TRPC5: variants seen among roughly 807,000 people sequenced by gnomAD.
TRPC5 encodes short transient receptor potential channel 5.
In TRPC5, 9 loss-of-function variants were observed where a neutral mutation model predicts 56.5. The observed-to-expected ratio is 0.16, with a 90% CI of 0.10 to 0.28. The LOEUF (loss-of-function observed/expected upper bound fraction) is 0.28. Ranked by LOEUF, TRPC5 falls within the 10% of genes least tolerant of loss-of-function variation. The pLI is 1.00. For missense variants in TRPC5, 469 were observed against 748.9 expected (o/e 0.63, Z 4.36); for synonymous variants, 282 against 278.5 (o/e 1.01, Z -0.13).
chrX:111,942,146 A>G lies in TRPC5; in HGVS notation c.378+9897T>C, dbSNP rs965234510. ...TGTTCTCCCTTAGACACTCTAGTTG[A>G]AGTGTAGTTGTTTAATTGTTGTTTT... is the stretch of plus-strand genomic sequence containing the variant. On this transcript the variant is annotated intron_variant, in intron 2 of 10. Transcript: ENST00000262839. Among the ~76,000 whole-genome samples, 3 of 111,378 alleles carry G rather than the reference A, an allele frequency of 2.7e-5. No homozygotes were observed. In the Admixed American group the frequency reaches 2.9e-4, roughly 11 times the overall value.
At chrX:111,975,649 C>A (rs757905652) in intron 1 of TRPC5, among the ~76,000 whole-genome samples, 5 of 111,643 alleles carry the variant, frequency 4.5e-5, no homozygotes, top group Admixed American at 3.8e-4. Context: ...GTAATCCCAG[C>A]ATTTTGGGAA....
At chrX:111,949,193 T>G (rs1927010150) in intron 2 of TRPC5, among the ~76,000 whole-genome samples, 1 of 112,208 alleles carries the variant, frequency 8.9e-6, no homozygotes, top group Non-Finnish European at 1.9e-5. Context: ...CAACTCAAGA[T>G]GGATTAAGGA....
Position 111,845,292 on chromosome X carries a change from C to T in TRPC5, c.1700+1822G>A, listed in dbSNP as rs144199810. Among the ~76,000 whole-genome samples, 463 of 111,349 alleles carry T rather than the reference C, an allele frequency of 4.2e-3. 6 individuals carry two copies. The highest frequency in any genetic ancestry group is 0.015 in the African/African-American group (451 of 30,626). ...CTGAGTTGAGGCCTTTAAAAGAAAA[C>T]ATAAATATGAGTCAACCTTCTACGG... On this transcript the variant is annotated intron_variant, in intron 6 of 10. Transcript: ENST00000262839.
At chrX:111,982,536 G>A (rs1025947705) in intron 1 of TRPC5, among the ~76,000 whole-genome samples, 6 of 111,669 alleles carry the variant, frequency 5.4e-5, no homozygotes, top group African/African-American at 1.6e-4. Context: ...AATCTCCTGT[G>A]TTTCAGACAT....
chrX:111,790,430 G>A (rs1390030305), intron 7 of TRPC5, among the ~76,000 whole-genome samples: 1 of 110,556 alleles, frequency 9.0e-6, no homozygotes, highest in Admixed American at 9.7e-5. Context: ...ACTGGGGGAG[G>A]GATAGCATTA....
At chrX:111,948,923 C>T (rs969861814) in intron 2 of TRPC5, among the ~76,000 whole-genome samples, 1 of 110,953 alleles carries the variant, frequency 9.0e-6, no homozygotes, top group African/African-American at 3.3e-5. Context: ...TCTTAAGACT[C>T]CCTCCCTAGA....
intron 7 of TRPC5, among the ~76,000 whole-genome samples, chrX:111,827,329 T>G (rs1202597154): frequency 9.0e-6 from 1 of 111,133 alleles, no homozygotes; most frequent in East Asian, 2.8e-4. Flanking sequence ...ACTATGCGTA[T>G]GCTGGTAACT....
rs1033514550 is a variant in TRPC5 at position 111,829,039 on chromosome X, C to T, written c.1896+5882G>A. Among the ~76,000 whole-genome samples, 5 of 111,375 alleles carry T rather than the reference C, an allele frequency of 4.5e-5. No homozygotes were observed. In the East Asian group the frequency reaches 1.1e-3, roughly 25 times the overall value. On this transcript the variant is annotated intron_variant, in intron 7 of 10. Coordinates refer to ENST00000262839, the MANE Select transcript of TRPC5 (RefSeq NM_012471.3). The stretch of plus-strand genomic sequence containing the variant: ...AAAGTTTGAGCTGGGCATGGTGGCT[C>T]ATGCCTGTAATCCCAGCACTTTGGG...
chrX:112,015,034 ATTTT>A (rs59820631), intron 1 of TRPC5, among the ~76,000 whole-genome samples: 79 of 85,838 alleles, frequency 9.2e-4, no homozygotes, highest in African/African-American at 3.1e-3. Flanking sequence ...CCTTCTTGCC[ATTTT>A]TTTTTTTTTT....
intron 1 of TRPC5, among the ~76,000 whole-genome samples, chrX:112,075,449 C>A (rs1234080500): frequency 8.9e-6 from 1 of 112,114 alleles, no homozygotes; most frequent in African/African-American, 3.2e-5. Flanking sequence ...TTGTAGCACT[C>A]AACACACAGA....
At chrX:111,960,118 G>A (rs183596621) in intron 1 of TRPC5, among the ~76,000 whole-genome samples, 1 of 112,041 alleles carries the variant, frequency 8.9e-6, no homozygotes, top group Non-Finnish European at 1.9e-5. Flanking sequence ...TTACTGTACT[G>A]GAAAGTATAG....
chrX:111,788,625 T>G (rs1603028097), intron 7 of TRPC5, among the ~76,000 whole-genome samples: 1 of 111,713 alleles, frequency 9.0e-6, no homozygotes, highest in Non-Finnish European at 1.9e-5. Context: ...AGTCAAATTG[T>G]CCCTGTTTGC....
chrX:111,883,819 T>A (rs1300257973), intron 3 of TRPC5, among the ~76,000 whole-genome samples: 1 of 112,869 alleles, frequency 8.9e-6, no homozygotes, highest in African/African-American at 3.2e-5. Flanking sequence ...GTAGTCCTAG[T>A]CTACTTAAGT....
intron 6 of TRPC5, among the ~76,000 whole-genome samples, chrX:111,842,292 C>A (rs1337054438): frequency 1.9e-5 from 2 of 106,566 alleles, no homozygotes; most frequent in African/African-American, 7.0e-5. Flanking sequence ...TGCCCACCAC[C>A]ACACCTGGCT....
chrX:111,839,344 C>T (rs1021216217), intron 6 of TRPC5, among the ~76,000 whole-genome samples: 2 of 111,810 alleles, frequency 1.8e-5, no homozygotes, highest in African/African-American at 6.5e-5. Flanking sequence ...TCCATAAATG[C>T]ACAAATCACA....
At chrX:112,012,367 T>C (rs1374224121) in intron 1 of TRPC5, among the ~76,000 whole-genome samples, 2 of 111,568 alleles carry the variant, frequency 1.8e-5, no homozygotes, top group Non-Finnish European at 3.8e-5. Context: ...TTGTCAAGTC[T>C]CTTTTTTTTT....
intron 7 of TRPC5, among the ~76,000 whole-genome samples, chrX:111,795,227 C>CA (rs1163843691): frequency 9.0e-6 from 1 of 110,516 alleles, no homozygotes; most frequent in African/African-American, 3.3e-5. Flanking sequence ...TGATTTTAGA[C>CA]AAAAAACCTT....
intron 1 of TRPC5, among the ~76,000 whole-genome samples, chrX:112,080,524 A>T (rs1372894050): frequency 9.0e-6 from 1 of 111,155 alleles, no homozygotes; most frequent in Non-Finnish European, 1.9e-5. Flanking sequence ...TTTAGGTGAC[A>T]TTCAATTCTT....
At chrX:111,789,788 G>A (rs772175932) in intron 7 of TRPC5, among the ~76,000 whole-genome samples, 1 of 112,731 alleles carries the variant, frequency 8.9e-6, no homozygotes, top group Non-Finnish European at 1.9e-5. Flanking sequence ...CATCTATGCA[G>A]CCAACAGACA....
Sources: gnomAD v4.1 joint callset for allele counts (sites outside exome capture counted in the v4.1 genomes callset) on GRCh38, gnomAD v4.1.1 for gene constraint, MANE v1.5 for transcripts, NCBI Gene and HGNC (gene_info 2026-07-23, HGNC 2026-07-21) for gene names.